The following STXBP5L variants were observed in gnomAD, a reference collection of about 807,000 sequenced individuals.
STXBP5L encodes syntaxin binding protein 5L.
Under a neutral mutation model 144.5 loss-of-function variants are expected in STXBP5L, and 65 were observed. That is an observed-to-expected ratio of 0.45 (90% confidence interval 0.37 to 0.55). STXBP5L has a LOEUF of 0.55. Ranked by LOEUF, STXBP5L falls within the 20% of genes least tolerant of loss-of-function variation. The pLI is 0.00. For missense variants in STXBP5L, 1,298 were observed against 1,405.5 expected, an observed-to-expected ratio of 0.92 and a Z score of 1.22; for synonymous variants, 505 against 469.6, an observed-to-expected ratio of 1.08 and a Z score of -0.97.
At chr3:121,350,545 G>T (rs1042534754) in intron 20 of STXBP5L, among the ~76,000 whole-genome samples, 1 of 152,116 alleles carries the variant, frequency 6.6e-6, no homozygotes, top group Non-Finnish European at 1.5e-5. Flanking sequence ...ATAATATTCT[G>T]CAGAGTGTTT....
chr3:121,100,202 C>T (rs999918589), intron 5 of STXBP5L, among the ~76,000 whole-genome samples: 4 of 152,204 alleles, frequency 2.6e-5, no homozygotes, highest in African/African-American at 9.6e-5. Flanking sequence ...AGGCAGAAAA[C>T]TTAACAATGA....
chr3:121,171,792 A>T (rs2046729658), intron 9 of STXBP5L, among the ~76,000 whole-genome samples: 1 of 152,200 alleles, frequency 6.6e-6, no homozygotes, highest in South Asian at 2.1e-4. Flanking sequence ...TAATTTATAG[A>T]TTCAATGCTA....
rs77746900 is a variant in STXBP5L at position 120,933,604 on chromosome 3, T to C, written c.190-21336T>C. On this transcript the variant is annotated intron_variant, in intron 2 of 26. Coordinates refer to ENST00000471454, the MANE Select transcript of STXBP5L (RefSeq NM_001308330.2). ...TAATCATACTCAGAAACTTACTGCA[T>C]TGGGTGGAGATTCAGACAAGGAAGT... Among the ~76,000 whole-genome samples, 1,136 of 152,234 alleles carry C rather than the reference T, an allele frequency of 7.5e-3. 13 individuals are homozygous for C. Among genetic ancestry groups the C allele is most frequent in the African/African-American group, 0.026 (1,088 of 41,554 alleles).
intron 2 of STXBP5L, among the ~76,000 whole-genome samples, chr3:120,927,923 A>T (rs1176462116): frequency 6.6e-6 from 1 of 152,146 alleles, no homozygotes; most frequent in Non-Finnish European, 1.5e-5. Flanking sequence ...AATGTTTTTT[A>T]CAGTGCTCAT....
chr3:120,964,726 G>C lies in STXBP5L; in HGVS notation c.287+9689G>C, dbSNP rs915918225. 3.3e-5 allele frequency among the ~76,000 whole-genome samples: 5 copies of C among 152,182 alleles called. No individual in the cohort carries two copies. In the South Asian group the frequency reaches 1.0e-3, roughly 32 times the overall value. On this transcript the variant is annotated intron_variant, in intron 3 of 26. Coordinates refer to ENST00000471454, the MANE Select transcript of STXBP5L (RefSeq NM_001308330.2). ...AATTTTGAAACAAGTGTGATGTGGT[G>C]CTGAAAAGAATGTATATTCTGTTGA...
chr3:121,242,184 T>G (rs1052239067), intron 14 of STXBP5L, among the ~76,000 whole-genome samples: 7 of 152,142 alleles, frequency 4.6e-5, no homozygotes, highest in Non-Finnish European at 1.0e-4. Flanking sequence ...AAATGAACCT[T>G]GGTTCATCAA....
Position 120,909,691 on chromosome 3 carries a change from A to G in STXBP5L, c.113A>G (p.His38Arg). The G allele has an allele frequency of 5.6e-6, 9 of 1,612,832 alleles. No homozygotes were observed. The highest frequency in any genetic ancestry group is 7.6e-6 in the Non-Finnish European group (9 of 1,179,670). The change falls in exon 2 of 27, where the codon CAT becomes CGT. Residue 38 changes from histidine to arginine, a missense_variant. Transcript: ENST00000471454. ...SGGGAGSGSV[H>R]PAGTAGVLRE... ...GGTGGGGCTGGAAGTGGTTCCGTACATCCGGCGGGGACTGCAGGGGTTCTC... is the reference window on the plus strand; with the variant it reads ...GGTGGGGCTGGAAGTGGTTCCGTACGTCCGGCGGGGACTGCAGGGGTTCTC...
chr3:121,418,567 C>G lies in STXBP5L; in HGVS notation c.3447+10C>G. 6.2e-7 allele frequency: 1 copy of G among 1,612,898 alleles called. No individual in the cohort carries two copies. The highest frequency in any genetic ancestry group is 8.5e-7 in the Non-Finnish European group (1 of 1,179,296). On this transcript the variant is annotated intron_variant, in intron 26 of 26. Transcript: ENST00000471454. Reference sequence around the variant, plus strand: ...CAAACATGCACATGAGGTAAACTGCCTAAGTAAATACAGACATCTTCATAC... The same window carrying G: ...CAAACATGCACATGAGGTAAACTGCGTAAGTAAATACAGACATCTTCATAC...
At chr3:121,069,714 A>C (rs766826327) in intron 5 of STXBP5L, among the ~76,000 whole-genome samples, 23 of 151,612 alleles carry the variant, frequency 1.5e-4, no homozygotes, top group Non-Finnish European at 3.2e-4. Context: ...TTTTTTTCTA[A>C]AAGTTTTTAT....
intron 5 of STXBP5L, among the ~76,000 whole-genome samples, chr3:121,049,075 A>G (rs1271203241): frequency 6.6e-6 from 1 of 152,010 alleles, no homozygotes; most frequent in Non-Finnish European, 1.5e-5. Flanking sequence ...CTAGCCTGAG[A>G]GCCTAGGTAG....
At chr3:121,209,754 A>G (rs1315803943) in intron 10 of STXBP5L, among the ~76,000 whole-genome samples, 1 of 152,164 alleles carries the variant, frequency 6.6e-6, no homozygotes, top group African/African-American at 2.4e-5. Context: ...CCTACAAAGG[A>G]CGTGAACTCA....
chr3:120,964,679 C>G (rs568890318), intron 3 of STXBP5L, among the ~76,000 whole-genome samples: 1 of 152,224 alleles, frequency 6.6e-6, no homozygotes, highest in East Asian at 1.9e-4. Flanking sequence ...CTGAGGAGTG[C>G]TTTAGTTCCA....
intron 18 of STXBP5L, among the ~76,000 whole-genome samples, chr3:121,269,113 T>C (rs1440343363): frequency 6.6e-6 from 1 of 152,184 alleles, no homozygotes; most frequent in East Asian, 1.9e-4. Context: ...AGCATTTCAG[T>C]ATCTGGACAT....
At chr3:121,386,532 T>C (rs1576333033) in intron 22 of STXBP5L, among the ~76,000 whole-genome samples, 1 of 152,108 alleles carries the variant, frequency 6.6e-6, no homozygotes, top group African/African-American at 2.4e-5. Flanking sequence ...AGGTATTTCT[T>C]CTAATGCTAT....
chr3:121,145,741 A>G (rs2045690648), intron 7 of STXBP5L, among the ~76,000 whole-genome samples: 1 of 152,034 alleles, frequency 6.6e-6, no homozygotes, highest in Admixed American at 6.6e-5. Flanking sequence ...TTTAATTGCC[A>G]ATGTCTTTAT....
intron 7 of STXBP5L, among the ~76,000 whole-genome samples, chr3:121,139,295 C>T (rs1553716174): frequency 6.6e-6 from 1 of 152,044 alleles, no homozygotes; most frequent in Non-Finnish European, 1.5e-5. Context: ...TGCTAATTAT[C>T]ATGATTTGGT....
At chr3:121,187,867 G>GA (rs879836509) in intron 9 of STXBP5L, among the ~76,000 whole-genome samples, 135 of 137,400 alleles carry the variant, frequency 9.8e-4, no homozygotes, top group Middle Eastern at 3.7e-3. Flanking sequence ...CAAATGGAAA[G>GA]AAAAAAAAAA....
intron 5 of STXBP5L, among the ~76,000 whole-genome samples, chr3:121,103,696 G>A (rs1255442940): frequency 1.3e-5 from 2 of 151,972 alleles, no homozygotes; most frequent in Admixed American, 1.3e-4. Context: ...TATATAAAAA[G>A]ATAAGACAGT....
At chr3:121,343,193 TG>T (rs1346038336) in intron 20 of STXBP5L, among the ~76,000 whole-genome samples, 2 of 150,948 alleles carry the variant, frequency 1.3e-5, no homozygotes, top group Non-Finnish European at 3.0e-5. Context: ...TTGATGGGGT[TG>T]TTTTTTTCTT....
Sources: allele counts gnomAD v4.1 joint callset (sites outside exome capture counted in the v4.1 genomes callset), GRCh38; gene constraint gnomAD v4.1.1; transcripts MANE v1.5; gene names NCBI Gene and HGNC (gene_info 2026-07-23, HGNC 2026-07-21).